Variants in CLASP1 observed in about 807,000 individuals in gnomAD.
The protein encoded by CLASP1 is CLIP-associating protein 1.
In CLASP1, 38 loss-of-function variants were observed where a neutral mutation model predicts 192.3. The observed-to-expected ratio is 0.20, with a 90% CI of 0.15 to 0.26. CLASP1 has a LOEUF of 0.26. CLASP1 is among the 10% of genes least tolerant of loss of function. The pLI is 1.00. For missense variants in CLASP1, 1,433 were observed against 1,932.5 expected, an observed-to-expected ratio of 0.74 and a Z score of 4.85; for synonymous variants, 691 against 712.8, an observed-to-expected ratio of 0.97 and a Z score of 0.49.
chr2:121,603,744 G>T (rs1451309860), intron 2 of CLASP1, among the ~76,000 whole-genome samples: 1 of 152,190 alleles, frequency 6.6e-6, no homozygotes, highest in African/African-American at 2.4e-5. Context: ...CCATGAAAAA[G>T]AATAAAATCC....
chr2:121,615,415 T>G (rs960133412), intron 1 of CLASP1, among the ~76,000 whole-genome samples: 16 of 151,958 alleles, frequency 1.1e-4, no homozygotes, highest in African/African-American at 3.9e-4. Flanking sequence ...TGAAGAGTGG[T>G]ATGGCAGACA....
chr2:121,631,057 A>G (rs1320516974), intron 1 of CLASP1, among the ~76,000 whole-genome samples: 1 of 145,568 alleles, frequency 6.9e-6, no homozygotes, highest in Non-Finnish European at 1.5e-5. Context: ...TACTCGGGAG[A>G]CTGAGGCAGG....
intron 2 of CLASP1, 55 bp from the exon 3 acceptor site, chr2:121,530,380 C>T: frequency 7.1e-7 from 1 of 1,405,376 alleles, no homozygotes; most frequent in Non-Finnish European, 9.8e-7. Context: ...GGCAGCGCTC[C>T]CGCCCACCCG....
chr2:121,633,382 A>G (rs2070175545), intron 1 of CLASP1, among the ~76,000 whole-genome samples: 1 of 152,178 alleles, frequency 6.6e-6, no homozygotes, highest in Non-Finnish European at 1.5e-5. Context: ...TAATACCATC[A>G]CTATTCAGAA....
chr2:121,590,940 T>C lies in CLASP1; in HGVS notation c.195+14761A>G, dbSNP rs951446440. ...TGGAGAGCAATGGTGCAATCTCGGC[T>C]CACTGCAACCTCCGCCTCCCGGGTT... On this transcript the variant is annotated intron_variant, in intron 2 of 39. Coordinates refer to ENST00000263710, the Ensembl canonical transcript of CLASP1. Among the ~76,000 whole-genome samples, 10 of 150,994 alleles carry C rather than the reference T, an allele frequency of 6.6e-5. No homozygotes were observed. The East Asian group carries it at 1.8e-3, about 26-fold the overall frequency.
intron 2 of CLASP1, among the ~76,000 whole-genome samples, chr2:121,597,375 C>T (rs1478542762): frequency 1.3e-5 from 2 of 152,204 alleles, no homozygotes; most frequent in Non-Finnish European, 2.9e-5. Flanking sequence ...TCCACAATTG[C>T]TTATCCAAAA....
intron 2 of CLASP1, among the ~76,000 whole-genome samples, chr2:121,575,429 C>T (rs922337493): frequency 6.6e-6 from 1 of 151,928 alleles, no homozygotes. Flanking sequence ...TAATAAAAAA[C>T]TTTTTTCAAA....
chr2:121,647,553 C>G (rs1576757728), intron 1 of CLASP1, among the ~76,000 whole-genome samples: 1 of 152,188 alleles, frequency 6.6e-6, no homozygotes, highest in East Asian at 1.9e-4. Context: ...TAAAGAGATT[C>G]TATCCCACTA....
chr2:121,628,155 A>C (rs2068734596), intron 1 of CLASP1, among the ~76,000 whole-genome samples: 1 of 152,068 alleles, frequency 6.6e-6, no homozygotes, highest in African/African-American at 2.4e-5. Context: ...ATGGATTTAC[A>C]AAAAAAATTC....
chr2:121,642,739 A>T (rs1321449483), intron 1 of CLASP1, among the ~76,000 whole-genome samples: 1 of 152,178 alleles, frequency 6.6e-6, no homozygotes, highest in Non-Finnish European at 1.5e-5. Context: ...CCCAAAAAAA[A>T]TCTCAAACAG....
intron 2 of CLASP1, among the ~76,000 whole-genome samples, chr2:121,538,542 A>G (rs2095152976): frequency 1.3e-5 from 2 of 151,920 alleles, no homozygotes; most frequent in Admixed American, 1.3e-4. Flanking sequence ...AATCCCAGCA[A>G]TTTGGGAGGC....
At chr2:121,456,336 T>TAA (rs546786110) in intron 14 of CLASP1, among the ~76,000 whole-genome samples, 1 of 130,218 alleles carries the variant, frequency 7.7e-6, no homozygotes. Context: ...CCCCCGTCTC[T>TAA]AAAAAAAAAA....
intron 1 of CLASP1, among the ~76,000 whole-genome samples, chr2:121,645,955 TCAAA>T (rs1293468206): frequency 1.3e-5 from 2 of 152,214 alleles, no homozygotes; most frequent in African/African-American, 2.4e-5. Flanking sequence ...GGTCATTTAG[TCAAA>T]CACATATACC....
At chr2:121,401,212 A>G (rs1185986746) in intron 28 of CLASP1, among the ~76,000 whole-genome samples, 1 of 152,218 alleles carries the variant, frequency 6.6e-6, no homozygotes, top group African/African-American at 2.4e-5. Flanking sequence ...CAAATATTCT[A>G]AATGTTCCCT....
At chr2:121,397,200 C>G in exon 30 of CLASP1, 1 of 1,613,822 alleles carries the variant, frequency 6.2e-7, no homozygotes, top group Non-Finnish European at 8.5e-7. Flanking sequence ...AAACAGCAAG[C>G]CTTGTCTCAC....
chr2:121,348,601 C>T, exon 38 of CLASP1: 1 of 1,613,910 alleles, frequency 6.2e-7, no homozygotes, highest in Non-Finnish European at 8.5e-7. Context: ...ATCTTGATGG[C>T]AGCAAGGTTG....
At chr2:121,551,082 T>C (rs2057998272) in intron 2 of CLASP1, among the ~76,000 whole-genome samples, 1 of 152,246 alleles carries the variant, frequency 6.6e-6, no homozygotes, top group Non-Finnish European at 1.5e-5. Context: ...AATCAATAAA[T>C]GTGATTCATC....
At chr2:121,591,313 A>G (rs533385052) in intron 2 of CLASP1, among the ~76,000 whole-genome samples, 1 of 152,300 alleles carries the variant, frequency 6.6e-6, no homozygotes. Context: ...ACAATTATCA[A>G]ATTCATCCCA....
chr2:121,400,717 A>C (rs1041255939), intron 28 of CLASP1, among the ~76,000 whole-genome samples: 1 of 152,214 alleles, frequency 6.6e-6, no homozygotes, highest in South Asian at 2.1e-4. Context: ...TTGAAATTCT[A>C]TGATAACTAG....
Sources: allele counts gnomAD v4.1 joint callset (sites outside exome capture counted in the v4.1 genomes callset), GRCh38; gene constraint gnomAD v4.1.1; transcripts MANE v1.5; gene names NCBI Gene and HGNC (gene_info 2026-07-23, HGNC 2026-07-21).